Variants in TTC13 observed in about 807,000 individuals in gnomAD.
The protein encoded by TTC13 is tetratricopeptide repeat domain 13.
TTC13 carries 62 observed loss-of-function variants against 120.0 expected under a neutral mutation model. That is an observed-to-expected ratio of 0.52 (90% CI 0.42 to 0.64). TTC13 has a LOEUF of 0.64. TTC13 is among the 30% of genes least tolerant of loss of function. The probability of loss-of-function intolerance (pLI) is 0.00; values close to 1 mark genes in which losing one functional copy is unlikely to be tolerated. For missense variants in TTC13, 824 were observed against 1,050.2 expected, an observed-to-expected ratio of 0.78 and a Z score of 2.98; for synonymous variants, 384 against 393.5, an observed-to-expected ratio of 0.98 and a Z score of 0.28.
At chr1:230,969,396 G>C (rs751040694) in intron 1 of TTC13, among the ~76,000 whole-genome samples, 3 of 152,176 alleles carry the variant, frequency 2.0e-5, no homozygotes, top group Non-Finnish European at 4.4e-5. Flanking sequence ...TTTGTTAAAA[G>C]AACTATCCAT....
chr1:230,920,480 C>T, intron 17 of TTC13, 30 bp downstream of exon 17: 2 of 1,511,420 alleles, frequency 1.3e-6, no homozygotes, highest in Non-Finnish European at 1.8e-6. Context: ...CCTCTAAAAA[C>T]ATGGACTGCC....
intron 1 of TTC13, among the ~76,000 whole-genome samples, chr1:230,971,067 C>T (rs1193290025): frequency 1.3e-5 from 2 of 152,048 alleles, no homozygotes; most frequent in East Asian, 3.9e-4. Flanking sequence ...CACAGGTGGC[C>T]AGGCGCGGTG....
At chr1:230,949,024 C>A (rs1675278849) in intron 4 of TTC13, among the ~76,000 whole-genome samples, 1 of 152,128 alleles carries the variant, frequency 6.6e-6, no homozygotes, top group South Asian at 2.1e-4. Context: ...CCACTGTTCA[C>A]TGTATGGATG....
intron 8 of TTC13, among the ~76,000 whole-genome samples, chr1:230,935,621 C>T (rs1168434188): frequency 6.6e-6 from 1 of 151,990 alleles, no homozygotes; most frequent in Admixed American, 6.6e-5. Flanking sequence ...ACCAGGCTAA[C>T]GTGGGAAGCT....
intron 17 of TTC13, among the ~76,000 whole-genome samples, chr1:230,917,414 C>T (rs570732296): frequency 6.6e-6 from 1 of 152,108 alleles, no homozygotes; most frequent in East Asian, 1.9e-4. Context: ...GCTAATAAAC[C>T]GCCTCTAGGG....
At chr1:230,972,463 T>C (rs990268040) in intron 1 of TTC13, among the ~76,000 whole-genome samples, 9 of 152,256 alleles carry the variant, frequency 5.9e-5, no homozygotes, top group African/African-American at 1.9e-4. Context: ...GCCGCTTTGA[T>C]AAATTATTTA....
chr1:230,978,795 G>T lies in TTC13; in HGVS notation c.36C>A (p.Phe12Leu). ...CCGCGGCGGCCACAGCGCCGCCCCA[G>T]AAGCAGCAGCAGCAGCAGCAGCCGG... ...APAGCCCCCCFWGGAVAAAGA... is the reference protein window; with the variant it reads ...APAGCCCCCCLWGGAVAAAGA... Residue 12 changes from phenylalanine to leucine, a missense_variant, in exon 1 of 23, where the codon TTC becomes TTA. Around this residue, in one of 4 missense-constraint regions of TTC13, gnomAD observed 160 missense variants for 137.2 expected, o/e 1.17. Coordinates refer to ENST00000366661, the MANE Select transcript of TTC13 (RefSeq NM_024525.5). This position sits in a 1 kb window ranked among gnomAD's most constrained non-coding sequence, Gnocchi z 5.6. 6.7e-7 allele frequency: 1 copy of T among 1,498,554 alleles called. No individual in the cohort carries two copies. Among genetic ancestry groups the T allele is most frequent in the South Asian group, 1.2e-5 (1 of 80,450 alleles). The allele number at this position is 1,498,554 out of a possible 1,614,324, so 92.8% of individuals were successfully genotyped here.
intron 22 of TTC13, among the ~76,000 whole-genome samples, chr1:230,908,241 G>A (rs915155567): frequency 3.3e-5 from 5 of 152,218 alleles, no homozygotes; most frequent in Non-Finnish European, 5.9e-5. Flanking sequence ...AAGCTGGAGT[G>A]CAGTGGTGCA....
Position 230,922,617 on chromosome 1 carries a change from TCA to T in TTC13, c.1815-1115_1815-1114del, listed in dbSNP as rs987971522. Among the ~76,000 whole-genome samples the T allele has an allele frequency of 2.6e-4, 40 of 152,332 alleles. 1 individual carries two copies. The highest frequency in any genetic ancestry group is 9.4e-4 in the African/African-American group (39 of 41,562). ...CTCACCACCAGGCGTAATGAGTTAG[TCA>T]CAGTTTCCTGACCATACCTAACTCA... On this transcript the variant is annotated intron_variant, in intron 15 of 22. Coordinates refer to ENST00000366661, the MANE Select transcript of TTC13 (RefSeq NM_024525.5).
At chr1:230,960,449 C>A (rs1676519832) in intron 2 of TTC13, among the ~76,000 whole-genome samples, 3 of 151,992 alleles carry the variant, frequency 2.0e-5, no homozygotes, top group Admixed American at 6.6e-5. Flanking sequence ...AAGTCTAATT[C>A]GAGAGTTTTC....
chr1:230,939,547 T>A (rs1391261724), intron 7 of TTC13, 51 bp from the exon 8 acceptor site: 10 of 1,260,814 alleles, frequency 7.9e-6, no homozygotes, highest in Non-Finnish European at 1.1e-5. Flanking sequence ...ATTAGATATG[T>A]GAACATTTCC....
intron 1 of TTC13, among the ~76,000 whole-genome samples, chr1:230,967,952 T>A (rs1450829707): frequency 6.6e-6 from 1 of 152,208 alleles, no homozygotes; most frequent in Admixed American, 6.5e-5. Context: ...GAATTCTATC[T>A]TGTTCTTCTA....
chr1:230,976,519 T>C (rs2103021887), intron 1 of TTC13, among the ~76,000 whole-genome samples: 1 of 152,296 alleles, frequency 6.6e-6, no homozygotes, highest in South Asian at 2.1e-4. Context: ...GAGCTCCAAG[T>C]AGTTGATTCT....
intron 11 of TTC13, 96 bp from the exon 12 acceptor site, chr1:230,929,189 T>C (rs1226829044): frequency 7.8e-7 from 1 of 1,289,774 alleles, no homozygotes. Context: ...CAAGCTGTTC[T>C]TCAATTATAA....
chr1:230,921,775 T>C (rs1357845466), intron 15 of TTC13, among the ~76,000 whole-genome samples: 5 of 152,142 alleles, frequency 3.3e-5, no homozygotes, highest in Admixed American at 3.3e-4. Flanking sequence ...AGCACTAAAG[T>C]GAGGTCCAGA....
intron 20 of TTC13, among the ~76,000 whole-genome samples, chr1:230,910,658 G>A (rs9431891): frequency 0.13 from 19,752 of 152,288 alleles, 1,339 homozygotes; most frequent in Middle Eastern, 0.16. Context: ...GTTGAGTACA[G>A]TGGGGCCCAC....
In TTC13 at chr1:230,938,699, C is replaced by T. The variant is rs116939810; in HGVS notation, c.900+687G>A. Among the ~76,000 whole-genome samples, 64 of 152,294 alleles carry T rather than the reference C, an allele frequency of 4.2e-4. No individual in the cohort carries two copies. In the East Asian group the frequency reaches 0.012, roughly 28 times the overall value. ...TGTCACCTAGTCAGTCCTTCTGTCCCTCATCTCCTCAGCCACCACACTGTC... is the reference window on the plus strand; with the variant it reads ...TGTCACCTAGTCAGTCCTTCTGTCCTTCATCTCCTCAGCCACCACACTGTC... On this transcript the variant is annotated intron_variant, in intron 8 of 22. Coordinates refer to ENST00000366661, the MANE Select transcript of TTC13 (RefSeq NM_024525.5).
chr1:230,926,982 G>A (rs1258995564), intron 12 of TTC13, among the ~76,000 whole-genome samples: 1 of 152,112 alleles, frequency 6.6e-6, no homozygotes, highest in African/African-American at 2.4e-5. Context: ...TGAGCTTTGG[G>A]AGAAAAAAAT....
At chr1:230,952,238 C>T (rs6679473) in intron 4 of TTC13, among the ~76,000 whole-genome samples, 102,888 of 151,950 alleles carry the variant, frequency 0.68, 34,923 homozygotes, top group Admixed American at 0.72. Flanking sequence ...TGGATGCCTC[C>T]AAATTATTCT....
Sources: allele counts gnomAD v4.1 joint callset (sites outside exome capture counted in the v4.1 genomes callset), GRCh38; gene constraint gnomAD v4.1.1; regional missense constraint gnomAD v4.1.1; non-coding constraint Gnocchi (gnomAD v3.1); transcripts MANE v1.5; gene names NCBI Gene and HGNC (gene_info 2026-07-23, HGNC 2026-07-21).